Variants in FBH1 observed in about 807,000 individuals in gnomAD.
FBH1 encodes F-box DNA helicase 1, also known as DNA 3'-5' helicase 1.
In FBH1, 43 loss-of-function variants were observed where a neutral mutation model predicts 115.5. The ratio of observed to expected loss-of-function variants is 0.37; its 90% CI spans 0.29 to 0.48. The LOEUF (loss-of-function observed/expected upper bound fraction) is 0.48, where lower values mean the gene tolerates loss of function less well. Among genes scored for constraint, FBH1 ranks in the 20% least tolerant of loss-of-function variants. FBH1 has a pLI of 0.99. For synonymous variants in FBH1, 524 were observed against 507.8 expected (o/e 1.03, Z -0.43); for missense variants, 1,001 against 1,337.3 (o/e 0.75, Z 3.92).
In FBH1 at chr10:5,924,335, T is replaced by G. The variant is rs750217662; in HGVS notation, c.2423T>G (p.Phe808Cys). 3.1e-6 allele frequency: 5 copies of G among 1,614,192 alleles called. No homozygotes were observed. The East Asian group carries it at 8.9e-5, about 29-fold the overall frequency. ...GAAAACCTCGTCATTAAAGACAAAT[T>G]TATCAGAAGATGGGTGCACAAAGAA... ...RKQNLVIKDKFIRRWVHKEGF... is the reference protein window; with the variant it reads ...RKQNLVIKDKCIRRWVHKEGF... The change falls in exon 17 of 21, where the codon TTT (phenylalanine) becomes TGT (cysteine). Residue 808 changes from phenylalanine (F) to cysteine (C), a missense_variant. By Grantham distance (205) the Phe-to-Cys change is radical. Transcript: ENST00000362091. The surrounding 1 kb of genome is among the most constrained non-coding windows in gnomAD (Gnocchi z 6.2).
chr10:5,915,600 TTGC>T lies in FBH1; in HGVS notation c.1565+35_1565+37del, dbSNP rs1460474944. 6.2e-7 allele frequency: 1 copy of T among 1,608,332 alleles called. No individual in the cohort carries two copies. The highest frequency in any genetic ancestry group is 1.1e-5 in the South Asian group (1 of 90,796). ...AGTACTGCTGTCACTAGTGGCACTG[TTGC>T]TGCTGGCACGGTCGCGTCTTACTGT... On this transcript the variant is annotated intron_variant, in intron 9 of 20. Coordinates refer to ENST00000362091, the MANE Select transcript of FBH1 (RefSeq NM_178150.3). This position sits in a 1 kb window ranked among gnomAD's most constrained non-coding sequence, Gnocchi z 5.2.
At chr10:5,927,728 G>C (rs758791575) in intron 19 of FBH1, among the ~76,000 whole-genome samples, 187 bp downstream of exon 19, 1 of 152,076 alleles carries the variant, frequency 6.6e-6, no homozygotes. Flanking sequence ...ACAAAAATGT[G>C]GTTCTTTTCT....
Position 5,936,844 on chromosome 10 carries a change from C to T in FBH1, c.2961+257C>T. 1.7e-6 allele frequency: 1 copy of T among 587,024 alleles called. No individual in the cohort carries two copies. Among genetic ancestry groups the T allele is most frequent in the South Asian group, 2.3e-5 (1 of 42,584 alleles). The allele number at this position is 587,024 out of a possible 1,614,324, so 36.4% of individuals were successfully genotyped here. A position where few individuals can be genotyped will look rare whatever the true frequency, so the allele number is the denominator to read the frequency against. On this transcript the variant is annotated intron_variant, in intron 20 of 20. Coordinates refer to ENST00000362091, the MANE Select transcript of FBH1 (RefSeq NM_178150.3). The surrounding 1 kb of genome is among the most constrained non-coding windows in gnomAD (Gnocchi z 5.6). The stretch of plus-strand genomic sequence containing the variant: ...TACACGCTTAGAGAGAGAGCTGTTC[C>T]CTGGGGTCCCAGCGCAGCTTTTCTT...
rs1340151404 is a variant in FBH1, at chr10:5,913,287, G to A, written c.1212-460G>A. On this transcript the variant is annotated intron_variant, in intron 6 of 20. Transcript: ENST00000362091. This position sits in a 1 kb window ranked among gnomAD's most constrained non-coding sequence, Gnocchi z 4.4. ...CTTAAAAGATAGAATGTGTTCATGC[G>A]TCTAAAGCAATGTCATGTCATAAGA... Among the ~76,000 whole-genome samples, 7 of 152,214 alleles carry A rather than the reference G, an allele frequency of 4.6e-5. No homozygotes were observed. The highest frequency in any genetic ancestry group is 2.6e-4 in the Admixed American group (4 of 15,282).
intron 19 of FBH1, chr10:5,928,783 G>A (rs1218035846): frequency 6.6e-6 from 1 of 152,156 alleles, no homozygotes; most frequent in African/African-American, 2.4e-5. Context: ...TGAGCTAATA[G>A]TTACTACTTA....
chr10:5,900,312 T>C lies in FBH1; in HGVS notation c.2-2708T>C, dbSNP rs1035208894. On this transcript the variant is annotated intron_variant, in intron 1 of 20. Transcript: ENST00000362091. The surrounding 1 kb of genome is among the most constrained non-coding windows in gnomAD (Gnocchi z 4.2). ...TCTCATCTGTTCCTGATGACACTTA[T>C]CAGACTTAGATGAGATTGGGCGCGT... Among the ~76,000 whole-genome samples the C allele has an allele frequency of 2.0e-5, 3 of 152,220 alleles. No individual in the cohort carries two copies. The highest frequency in any genetic ancestry group is 2.1e-4 in the South Asian group (1 of 4,828).
In FBH1 at chr10:5,933,508, C is replaced by T. The variant is rs1833091007; in HGVS notation, c.2830-2948C>T. On this transcript the variant is annotated intron_variant, in intron 19 of 20. Coordinates refer to ENST00000362091, the MANE Select transcript of FBH1 (RefSeq NM_178150.3). The surrounding 1 kb of genome is among the most constrained non-coding windows in gnomAD (Gnocchi z 4.9). Reference sequence around the variant, plus strand: ...AAAGAATACAGAATCTAGAGAAATACTTCCCCATTACTGAGACTGGGGTGG... The same window carrying T: ...AAAGAATACAGAATCTAGAGAAATATTTCCCCATTACTGAGACTGGGGTGG... 6.6e-6 allele frequency among the ~76,000 whole-genome samples: 1 copy of T among 152,256 alleles called. No homozygotes were observed. Among genetic ancestry groups the T allele is most frequent in the Non-Finnish European group, 1.5e-5 (1 of 68,040 alleles).
intron 13 of FBH1, among the ~76,000 whole-genome samples, chr10:5,919,361 C>T (rs1832175543): frequency 6.6e-6 from 1 of 152,058 alleles, no homozygotes; most frequent in African/African-American, 2.4e-5. Context: ...TGGCTCCCGC[C>T]TGTAGTGTCA....
At position 5,906,965 on chromosome 10, in the gene FBH1, CTT is replaced by C. The variant is rs35421692; in HGVS notation, c.753+347_753+348del. Among the ~76,000 whole-genome samples the C allele has an allele frequency of 2.9e-4, 42 of 142,602 alleles. No homozygotes were observed. The highest frequency in any genetic ancestry group is 3.2e-4 in the Non-Finnish European group (21 of 64,748). The allele number at this position is 142,602 out of a possible 152,430, so 93.6% of individuals were successfully genotyped here. On this transcript the variant is annotated intron_variant, in intron 3 of 20. Transcript: ENST00000362091. This position sits in a 1 kb window ranked among gnomAD's most constrained non-coding sequence, Gnocchi z 7.3. ...GGGTTCCTCATATCTCCCTTGACTT[CTT>C]TTTTTTTTTTTTTGAGACAGAGTTT...
chr10:5,917,477 A>G lies in FBH1; in HGVS notation c.1846A>G (p.Thr616Ala), dbSNP rs778753103. The G allele has an allele frequency of 3.7e-6, 6 of 1,614,100 alleles. No individual in the cohort carries two copies. The African/African-American group carries it at 8.0e-5, about 22-fold the overall frequency. Residue 616 changes from threonine (T) to alanine (A), a missense_variant, in exon 11 of 21, where the codon ACA becomes GCA. Physicochemically the swap from Thr to Ala is moderately conservative, Grantham distance 58. Coordinates refer to ENST00000362091, the MANE Select transcript of FBH1 (RefSeq NM_178150.3). This position sits in a 1 kb window ranked among gnomAD's most constrained non-coding sequence, Gnocchi z 5.6. ...TAACATGCGGAAGCTGGGGGAGTGCACAGAAGAGGCGCACCAGATGACTCA... is the reference window on the plus strand; with the variant it reads ...TAACATGCGGAAGCTGGGGGAGTGCGCAGAAGAGGCGCACCAGATGACTCA... ...WDNMRKLGECTEEAHQMTHDG... is the reference protein window; with the variant it reads ...WDNMRKLGECAEEAHQMTHDG...
At chr10:5,901,674 T>C (rs531279563) in intron 1 of FBH1, among the ~76,000 whole-genome samples, 1 of 151,826 alleles carries the variant, frequency 6.6e-6, no homozygotes, top group East Asian at 1.9e-4. Flanking sequence ...AAGTGATTCT[T>C]GGGCCTCAGC....
At chr10:5,905,850 A>G (rs1291358501) in intron 2 of FBH1, among the ~76,000 whole-genome samples, 187 bp from the exon 3 acceptor site, 1 of 152,260 alleles carries the variant, frequency 6.6e-6, no homozygotes, top group Non-Finnish European at 1.5e-5. Context: ...GTCTGGTAAT[A>G]TGATAGAGCC....
In FBH1 at chr10:5,906,002, A is replaced by C. The variant is rs1239172156; in HGVS notation, c.158-35A>C. 6.7e-7 allele frequency: 1 copy of C among 1,489,728 alleles called. No individual in the cohort carries two copies. The highest frequency in any genetic ancestry group is 9.3e-7 in the Non-Finnish European group (1 of 1,075,712). 92.3% of individuals were successfully genotyped at this position (1,489,728 alleles called of 1,614,324 possible). A position where few individuals can be genotyped will look rare whatever the true frequency, so the allele number is the denominator to read the frequency against. ...AACAGCAGGTCAACAGTCATCGTTCATTTCTTGTCCATCCTGTTTGGGTTC... is the reference window on the plus strand; with the variant it reads ...AACAGCAGGTCAACAGTCATCGTTCCTTTCTTGTCCATCCTGTTTGGGTTC... On this transcript the variant is annotated intron_variant, in intron 2 of 20. Coordinates refer to ENST00000362091, the MANE Select transcript of FBH1 (RefSeq NM_178150.3). The surrounding 1 kb of genome is among the most constrained non-coding windows in gnomAD (Gnocchi z 7.3).
rs1199503030 is a variant in FBH1 at position 5,910,138 on chromosome 10, C to T, written c.1021-800C>T. On this transcript the variant is annotated intron_variant, in intron 5 of 20. Coordinates refer to ENST00000362091, the MANE Select transcript of FBH1 (RefSeq NM_178150.3). The surrounding 1 kb of genome is among the most constrained non-coding windows in gnomAD (Gnocchi z 4.8). ...CTCTACCAAAAATACAAAAATTAGC[C>T]GAGCATGGTGGCATGTGCCTGTAGT... 6.6e-6 allele frequency among the ~76,000 whole-genome samples: 1 copy of T among 151,968 alleles called. No individual in the cohort carries two copies. The highest frequency in any genetic ancestry group is 1.5e-5 in the Non-Finnish European group (1 of 68,022).
rs1451430060 is a variant in FBH1, at chr10:5,936,965, C to G, written c.2962-145C>G. On this transcript the variant is annotated intron_variant, in intron 20 of 20. Coordinates refer to ENST00000362091, the MANE Select transcript of FBH1 (RefSeq NM_178150.3). The surrounding 1 kb of genome is among the most constrained non-coding windows in gnomAD (Gnocchi z 5.6). ...GTTGGTGGTGCTGTGGGAGGTGTTA[C>G]TCTGAGGATGTGCACCCCTCTGAAA... 7 of 901,440 alleles carry G rather than the reference C, an allele frequency of 7.8e-6. No individual in the cohort carries two copies. Among genetic ancestry groups the G allele is most frequent in the Non-Finnish European group, 1.2e-5 (7 of 606,030 alleles). 55.8% of individuals were successfully genotyped at this position (901,440 alleles called of 1,614,324 possible). A position where few individuals can be genotyped will look rare whatever the true frequency, so the allele number is the denominator to read the frequency against.
At position 5,910,365 on chromosome 10, in the gene FBH1, G is replaced by A. The variant is rs1293553320; in HGVS notation, c.1021-573G>A. Among the ~76,000 whole-genome samples the A allele has an allele frequency of 6.6e-6, 1 of 152,036 alleles. No individual in the cohort carries two copies. Among genetic ancestry groups the A allele is most frequent in the Non-Finnish European group, 1.5e-5 (1 of 68,028 alleles). ...ATTTACAGAGACATTGCTAAGAGGAGCATGCTGTCTTCACAAAATAAACTT... is the reference window on the plus strand; with the variant it reads ...ATTTACAGAGACATTGCTAAGAGGAACATGCTGTCTTCACAAAATAAACTT... On this transcript the variant is annotated intron_variant, in intron 5 of 20. Transcript: ENST00000362091. The surrounding 1 kb of genome is among the most constrained non-coding windows in gnomAD (Gnocchi z 4.8).
chr10:5,906,168 G>A lies in FBH1; in HGVS notation c.289G>A (p.Ala97Thr). 1.2e-6 allele frequency: 2 copies of A among 1,614,212 alleles called. No individual in the cohort carries two copies. Among genetic ancestry groups the A allele is most frequent in the Non-Finnish European group, 1.7e-6 (2 of 1,180,032 alleles). Reference protein sequence around the residue: ...QDSEGDMIFPAESSCALPQEG... With the variant: ...QDSEGDMIFPTESSCALPQEG... Reference sequence around the variant, plus strand: ...CTCTGAGGGTGACATGATCTTTCCTGCAGAGAGCAGCTGTGCACTGCCTCA... The same window carrying A: ...CTCTGAGGGTGACATGATCTTTCCTACAGAGAGCAGCTGTGCACTGCCTCA... The change falls in exon 3 of 21, where the codon GCA (alanine) becomes ACA (threonine). Residue 97 changes from alanine (A) to threonine (T), a missense_variant. Ala to Thr is a moderately conservative substitution (Grantham distance 58). Coordinates refer to ENST00000362091, the MANE Select transcript of FBH1 (RefSeq NM_178150.3). This position sits in a 1 kb window ranked among gnomAD's most constrained non-coding sequence, Gnocchi z 7.3.
In FBH1 at chr10:5,909,729, CT is replaced by C. The variant is rs1375117523; in HGVS notation, c.1020+437del. On this transcript the variant is annotated intron_variant, in intron 5 of 20. Coordinates refer to ENST00000362091, the MANE Select transcript of FBH1 (RefSeq NM_178150.3). The surrounding 1 kb of genome is among the most constrained non-coding windows in gnomAD (Gnocchi z 4.4). ...GAAGCTGGAAATAACCCTCAGTCTC[CT>C]TGAATCTCAGCCCTGTTGCTCCTTT... is the stretch of plus-strand genomic sequence containing the variant. 6.6e-6 allele frequency among the ~76,000 whole-genome samples: 1 copy of C among 152,202 alleles called. No homozygotes were observed. The highest frequency in any genetic ancestry group is 2.4e-5 in the African/African-American group (1 of 41,444).
At position 5,936,530 on chromosome 10, in the gene FBH1, C is replaced by T. The variant is rs1308837488; in HGVS notation, c.2904C>T (p.Cys968=). The T allele has an allele frequency of 6.2e-7, 1 of 1,614,134 alleles. No homozygotes were observed. Among genetic ancestry groups the T allele is most frequent in the African/African-American group, 1.3e-5 (1 of 75,030 alleles). The change falls in exon 20 of 21, where the codon TGC becomes TGT. Residue 968 remains cysteine (C), a synonymous_variant. Transcript: ENST00000362091. The surrounding 1 kb of genome is among the most constrained non-coding windows in gnomAD (Gnocchi z 5.6). The part of the protein sequence containing the change: ...TGVVRCCVGQ[C]NNAIPVDTVL... ...TGGTGCGCTGCTGCGTGGGACAGTG[C>T]AACAATGCCATCCCTGTTGACACCG...
Sources: gnomAD v4.1 joint callset for allele counts (sites outside exome capture counted in the v4.1 genomes callset) on GRCh38, gnomAD v4.1.1 for gene constraint, Gnocchi (gnomAD v3.1) non-coding constraint, MANE v1.5 for transcripts, NCBI Gene and HGNC (gene_info 2026-07-23, HGNC 2026-07-21) for gene names.